Variants in CLSTN2 observed in about 807,000 individuals in gnomAD.
The protein encoded by CLSTN2 is calsyntenin 2, also known as calsyntenin-2.
Under a neutral mutation model 101.2 loss-of-function variants are expected in CLSTN2, and 48 were observed. The ratio of observed to expected loss-of-function variants is 0.47; its 90% CI spans 0.38 to 0.60. The LOEUF (loss-of-function observed/expected upper bound fraction) is 0.60, where lower values mean the gene tolerates loss of function less well. Ranked by LOEUF, CLSTN2 falls within the 20% of genes least tolerant of loss-of-function variation. The pLI is 0.00. For missense variants in CLSTN2, 1,160 were observed against 1,238.2 expected (o/e 0.94, Z 0.95); for synonymous variants, 481 against 463.6 (o/e 1.04, Z -0.48).
At chr3:140,418,078 C>T (rs2088450786) in intron 4 of CLSTN2, among the ~76,000 whole-genome samples, 3 of 152,038 alleles carry the variant, frequency 2.0e-5, no homozygotes, top group Admixed American at 2.0e-4. Context: ...CTGAGCCTTC[C>T]TTTTGTAAGA....
chr3:140,297,994 A>G (rs940084194), intron 2 of CLSTN2, among the ~76,000 whole-genome samples: 1 of 152,212 alleles, frequency 6.6e-6, no homozygotes, highest in African/African-American at 2.4e-5. Context: ...TACAATTGTA[A>G]AGTCAAAAAA....
At position 140,566,802 on chromosome 3, in the gene CLSTN2, T is replaced by TTCTCTCTC. The variant is rs10662926; in HGVS notation, c.*563_*570dup. 1.2e-3 allele frequency: 184 copies of TTCTCTCTC among 151,946 alleles called. 1 individual carries two copies. The highest frequency in any genetic ancestry group is 3.4e-3 in the Middle Eastern group (1 of 290). 9.4% of individuals were successfully genotyped at this position (151,946 alleles called of 1,614,324 possible). On this transcript the variant is annotated 3_prime_UTR_variant, in exon 17 of 17. Coordinates refer to ENST00000458420, the MANE Select transcript of CLSTN2 (RefSeq NM_022131.3). ...AAGTTTACAGGGAAAGGTACACACA[T>TTCTCTCTC]TCTCTCTCTCTCTCTCTCTCTGTCT... is the stretch of plus-strand genomic sequence containing the variant.
chr3:140,484,629 A>G (rs1934199557), intron 8 of CLSTN2, among the ~76,000 whole-genome samples: 2 of 152,148 alleles, frequency 1.3e-5, no homozygotes, highest in Non-Finnish European at 2.9e-5. Flanking sequence ...GTCTTTTCAC[A>G]TAGTCCCATA....
intron 1 of CLSTN2, among the ~76,000 whole-genome samples, chr3:140,111,571 T>G (rs1459333369): frequency 6.6e-6 from 1 of 152,106 alleles, no homozygotes; most frequent in South Asian, 2.1e-4. Context: ...CTACAAGGGT[T>G]CCCTTCTTAT....
chr3:140,245,210 T>A (rs1170495656), intron 2 of CLSTN2, among the ~76,000 whole-genome samples: 1 of 152,242 alleles, frequency 6.6e-6, no homozygotes, highest in African/African-American at 2.4e-5. Context: ...ATTGAAGGAA[T>A]GCCTACTGAA....
intron 1 of CLSTN2, among the ~76,000 whole-genome samples, chr3:140,077,944 A>C (rs758915235): frequency 3.9e-5 from 6 of 152,154 alleles, no homozygotes; most frequent in Non-Finnish European, 7.3e-5. Flanking sequence ...TTCCTTCTCA[A>C]GGGAAGTTGT....
At chr3:140,200,078 A>T (rs2010698821) in intron 2 of CLSTN2, among the ~76,000 whole-genome samples, 1 of 152,074 alleles carries the variant, frequency 6.6e-6, no homozygotes. Context: ...GTTCAGATTT[A>T]AGAGTCTGTA....
intron 2 of CLSTN2, among the ~76,000 whole-genome samples, chr3:140,313,372 A>G (rs904379864): frequency 1.5e-4 from 23 of 152,162 alleles, no homozygotes; most frequent in African/African-American, 5.6e-4. Context: ...CAGCCGTGGT[A>G]CCCTGACAGG....
intron 2 of CLSTN2, among the ~76,000 whole-genome samples, chr3:140,299,028 C>T (rs530909984): frequency 1.4e-4 from 22 of 152,308 alleles, no homozygotes; most frequent in East Asian, 7.7e-4. Flanking sequence ...CCTTGGTCTC[C>T]GTGCCTCACT....
chr3:140,254,690 A>G (rs1421025477), intron 2 of CLSTN2, among the ~76,000 whole-genome samples: 1 of 152,208 alleles, frequency 6.6e-6, no homozygotes, highest in African/African-American at 2.4e-5. Context: ...AAAATGGATT[A>G]AAGACTTAAA....
chr3:140,090,368 C>G (rs1375892922), intron 1 of CLSTN2, among the ~76,000 whole-genome samples: 1 of 151,990 alleles, frequency 6.6e-6, no homozygotes, highest in Non-Finnish European at 1.5e-5. Context: ...GGCAATAATC[C>G]TGCTCTGTCA....
chr3:140,498,426 A>AT (rs1423056448), intron 8 of CLSTN2, among the ~76,000 whole-genome samples: 2 of 152,310 alleles, frequency 1.3e-5, no homozygotes, highest in South Asian at 4.1e-4. Context: ...CACACAGAGT[A>AT]TTTGCCATGA....
At chr3:140,552,733 G>A (rs1253815031) in intron 10 of CLSTN2, among the ~76,000 whole-genome samples, 5 of 152,098 alleles carry the variant, frequency 3.3e-5, no homozygotes, top group Admixed American at 6.5e-5. Context: ...TCATGCTTTC[G>A]ATGTGCTAGA....
Position 140,043,973 on chromosome 3 carries a change from T to C in CLSTN2, c.109+108490T>C, listed in dbSNP as rs147950078. Reference sequence around the variant, plus strand: ...TCAGGTAGCGTGATGCCTCCAGCTTTATTCTTTTGGGTTAGGATTGTCATG... The same window carrying C: ...TCAGGTAGCGTGATGCCTCCAGCTTCATTCTTTTGGGTTAGGATTGTCATG... On this transcript the variant is annotated intron_variant, in intron 1 of 16. Coordinates refer to ENST00000458420, the MANE Select transcript of CLSTN2 (RefSeq NM_022131.3). 9.4e-3 allele frequency among the ~76,000 whole-genome samples: 1,429 copies of C among 152,336 alleles called. 24 individuals carry two copies. Among genetic ancestry groups the C allele is most frequent in the African/African-American group, 0.031 (1,298 of 41,576 alleles).
chr3:140,406,907 A>T (rs1278109470), intron 4 of CLSTN2, among the ~76,000 whole-genome samples: 2 of 152,248 alleles, frequency 1.3e-5, no homozygotes, highest in Non-Finnish European at 2.9e-5. Flanking sequence ...CCAGTCATGA[A>T]GATAATTACT....
chr3:140,100,782 GA>G (rs1279719397), intron 1 of CLSTN2, among the ~76,000 whole-genome samples: 1 of 152,240 alleles, frequency 6.6e-6, no homozygotes, highest in Non-Finnish European at 1.5e-5. Context: ...TCATCAGCCA[GA>G]AGGCTGCTGT....
chr3:140,079,421 T>C (rs903425730), intron 1 of CLSTN2, among the ~76,000 whole-genome samples: 3 of 152,056 alleles, frequency 2.0e-5, no homozygotes, highest in African/African-American at 7.2e-5. Context: ...CAAGCAAATG[T>C]GGTAGGATCA....
chr3:140,314,825 T>C (rs77928436), intron 2 of CLSTN2, among the ~76,000 whole-genome samples: 5,728 of 152,140 alleles, frequency 0.038, 323 homozygotes, highest in African/African-American at 0.13. Flanking sequence ...AGTGGTGGCC[T>C]GGCTCCTGGG....
chr3:140,519,590 C>G (rs1423657763), intron 8 of CLSTN2, among the ~76,000 whole-genome samples: 2 of 151,690 alleles, frequency 1.3e-5, no homozygotes, highest in Non-Finnish European at 2.9e-5. Flanking sequence ...ATGTAATTAC[C>G]TTGTCTTTTT....
Sources: allele counts gnomAD v4.1 joint callset (sites outside exome capture counted in the v4.1 genomes callset), GRCh38; gene constraint gnomAD v4.1.1; transcripts MANE v1.5; gene names NCBI Gene and HGNC (gene_info 2026-07-23, HGNC 2026-07-21).